Variants in RGS10 observed in about 807,000 individuals in gnomAD.
RGS10 encodes the protein regulator of G-protein signalling 10.
RGS10 carries 11 observed loss-of-function variants against 23.5 expected under a neutral mutation model. That is an observed-to-expected ratio of 0.47 (90% CI 0.29 to 0.77). The LOEUF (loss-of-function observed/expected upper bound fraction) is 0.77. Ranked by LOEUF, RGS10 falls within the 30% of genes least tolerant of loss-of-function variation. RGS10 has a pLI of 0.08. For synonymous variants in RGS10, 77 were observed against 83.2 expected (o/e 0.92, Z 0.41); for missense variants, 180 against 226.3 (o/e 0.80, Z 1.31).
rs1844132999 is a variant in RGS10, at chr10:119,515,606, T to C, written c.302A>G (p.Lys101Arg). The C allele has an allele frequency of 6.2e-7, 1 of 1,614,058 alleles. No homozygotes were observed. Among genetic ancestry groups the C allele is most frequent in the Non-Finnish European group, 8.5e-7 (1 of 1,180,040 alleles). ...CTCCACGTTGACCTGTGATGAGGCCTTGCTGGACAGAAAGGTCATGTAGAT... is the reference window on the plus strand; with the variant it reads ...CTCCACGTTGACCTGTGATGAGGCCCTGCTGGACAGAAAGGTCATGTAGAT... ...KEIYMTFLSS[K>R]ASSQVNVEGQ... Residue 101 changes from lysine to arginine, a missense_variant, in exon 4 of 5, where the codon AAG (lysine) becomes AGG (arginine). Coordinates refer to ENST00000369103, the MANE Select transcript of RGS10 (RefSeq NM_001005339.2).
intron 4 of RGS10, among the ~76,000 whole-genome samples, chr10:119,501,970 C>T (rs755213792): frequency 3.3e-5 from 5 of 152,016 alleles, no homozygotes; most frequent in Non-Finnish European, 7.4e-5. Context: ...GTTAAACTAG[C>T]GCCTGCCCAT....
At chr10:119,522,246 G>A (rs182136275) in intron 3 of RGS10, among the ~76,000 whole-genome samples, 7 of 152,296 alleles carry the variant, frequency 4.6e-5, no homozygotes, top group African/African-American at 1.4e-4. Flanking sequence ...GATAATCCAC[G>A]TCAAGGAATG....
In RGS10 at chr10:119,517,387, C is replaced by T. The variant is rs1844156361; in HGVS notation, c.256-1735G>A. 6.6e-6 allele frequency among the ~76,000 whole-genome samples: 1 copy of T among 152,186 alleles called. No individual in the cohort carries two copies. Among genetic ancestry groups the T allele is most frequent in the African/African-American group, 2.4e-5 (1 of 41,442 alleles). ...TGACACAGGAGTCTCTCCAGACAAG[C>T]GTGGCTATCTAAGGGACAGGTCTGG... On this transcript the variant is annotated intron_variant, in intron 3 of 4. Transcript: ENST00000369103. The surrounding 1 kb of genome is among the most constrained non-coding windows in gnomAD (Gnocchi z 5.0).
chr10:119,512,827 C>T (rs954922142), intron 4 of RGS10, among the ~76,000 whole-genome samples: 7 of 152,210 alleles, frequency 4.6e-5, no homozygotes, highest in African/African-American at 1.2e-4. Flanking sequence ...GGTTTACAGG[C>T]GTGAGCGACT....
In RGS10 at chr10:119,500,114, C is replaced by T. The variant is rs1309738660; in HGVS notation, c.545G>A (p.Ter182=). The change falls in exon 5 of 5, where the codon TGA becomes TAA. Residue 182 remains the stop codon, a stop_retained_variant. Coordinates refer to ENST00000369103, the MANE Select transcript of RGS10 (RefSeq NM_001005339.2). ...AKRASRIYNT[*] ...TGCCAGTCCCGGCTTTTTGGGGGCT[C>T]ATGTGTTATAAATTCTGGAAGCTCT... 6.2e-7 allele frequency: 1 copy of T among 1,612,872 alleles called. No homozygotes were observed. The highest frequency in any genetic ancestry group is 8.5e-7 in the Non-Finnish European group (1 of 1,179,762).
intron 3 of RGS10, among the ~76,000 whole-genome samples, chr10:119,519,317 C>T (rs1221893912): frequency 1.9e-4 from 27 of 141,154 alleles, no homozygotes; most frequent in East Asian, 4.4e-4. Flanking sequence ...TCCCCCAGCT[C>T]CTGTCTCCCT....
intron 3 of RGS10, among the ~76,000 whole-genome samples, chr10:119,520,578 C>T (rs959342788): frequency 6.6e-6 from 1 of 152,006 alleles, no homozygotes; most frequent in Admixed American, 6.6e-5. Context: ...GCACAGAGGA[C>T]GGCAAGAATG....
intron 4 of RGS10, among the ~76,000 whole-genome samples, chr10:119,501,583 C>T (rs1030958078): frequency 3.9e-5 from 6 of 151,908 alleles, no homozygotes; most frequent in Admixed American, 1.3e-4. Context: ...ATTAGCCGAG[C>T]GTGGTGGCAC....
intron 1 of RGS10, among the ~76,000 whole-genome samples, chr10:119,536,136 C>T (rs1466490587): frequency 6.6e-6 from 1 of 152,198 alleles, no homozygotes; most frequent in Non-Finnish European, 1.5e-5. Flanking sequence ...ATGCAATTCC[C>T]TTGCCAGAGA....
At chr10:119,518,086 G>C (rs4752321) in intron 3 of RGS10, among the ~76,000 whole-genome samples, 35,817 of 152,204 alleles carry the variant, frequency 0.24, 4,551 homozygotes, top group Middle Eastern at 0.3. Context: ...GAAACAGTCT[G>C]TGGAGCTATT....
chr10:119,542,353 C>T (rs1844442721), intron 1 of RGS10, among the ~76,000 whole-genome samples: 1 of 152,240 alleles, frequency 6.6e-6, no homozygotes, highest in South Asian at 2.1e-4. Context: ...AAGAAAACTG[C>T]GGCTGTTCCT....
intron 4 of RGS10, among the ~76,000 whole-genome samples, chr10:119,505,195 T>C (rs996314552): frequency 6.6e-6 from 1 of 152,036 alleles, no homozygotes; most frequent in Non-Finnish European, 1.5e-5. Flanking sequence ...AATGGAGCTA[T>C]CTGGGCTAAG....
At chr10:119,534,523 G>A (rs9732576) in intron 1 of RGS10, among the ~76,000 whole-genome samples, 53,320 of 145,512 alleles carry the variant, frequency 0.37, 11,087 homozygotes, top group East Asian at 0.63. Flanking sequence ...CCCAGGAGGC[G>A]GAGGTTGCAG....
At chr10:119,537,704 C>T (rs562536518) in intron 1 of RGS10, among the ~76,000 whole-genome samples, 1 of 152,134 alleles carries the variant, frequency 6.6e-6, no homozygotes, top group African/African-American at 2.4e-5. Flanking sequence ...GGCCGCCTGC[C>T]CACAGTGCCA....
chr10:119,506,541 C>T (rs1030760977), intron 4 of RGS10, among the ~76,000 whole-genome samples: 12 of 152,204 alleles, frequency 7.9e-5, no homozygotes, highest in African/African-American at 2.4e-4. Context: ...GCGGATTGTC[C>T]GCTTTTTTCT....
intron 4 of RGS10, among the ~76,000 whole-genome samples, chr10:119,514,637 GAC>G (rs1354985883): frequency 7.0e-6 from 1 of 142,758 alleles, no homozygotes; most frequent in African/African-American, 2.6e-5. Context: ...CATCCTGGGA[GAC>G]AGAGTAAGAC....
At chr10:119,502,213 A>G (rs1843960317) in intron 4 of RGS10, among the ~76,000 whole-genome samples, 1 of 152,002 alleles carries the variant, frequency 6.6e-6, no homozygotes, top group Non-Finnish European at 1.5e-5. Flanking sequence ...GAGAAACGCC[A>G]TTACTCCTTC....
intron 1 of RGS10, among the ~76,000 whole-genome samples, chr10:119,535,122 T>C (rs1359514128): frequency 6.6e-6 from 1 of 152,088 alleles, no homozygotes; most frequent in Admixed American, 6.6e-5. Flanking sequence ...GAGTACACGC[T>C]CTTTACCAAG....
At chr10:119,511,516 G>C (rs1311305842) in intron 4 of RGS10, among the ~76,000 whole-genome samples, 3 of 152,162 alleles carry the variant, frequency 2.0e-5, no homozygotes, top group Non-Finnish European at 2.9e-5. Flanking sequence ...CTACTCAGGA[G>C]GCTGAGGTAG....
Sources: allele counts gnomAD v4.1 joint callset (sites outside exome capture counted in the v4.1 genomes callset), GRCh38; gene constraint gnomAD v4.1.1; non-coding constraint Gnocchi (gnomAD v3.1); transcripts MANE v1.5; gene names NCBI Gene and HGNC (gene_info 2026-07-23, HGNC 2026-07-21).